Variants in SERPINB3 observed in about 807,000 individuals in gnomAD.
SERPINB3 encodes serpin B3.
Under a neutral mutation model 33.0 loss-of-function variants are expected in SERPINB3, and 33 were observed. That is an observed-to-expected ratio of 1.00 (90% CI 0.76 to 1.34). SERPINB3 has a LOEUF of 1.34. SERPINB3 is among the 40% of genes most tolerant of loss of function. The probability of loss-of-function intolerance (pLI) is 0.00; values close to 1 mark genes in which losing one functional copy is unlikely to be tolerated. For synonymous variants in SERPINB3, 200 were observed against 170.9 expected (o/e 1.17, Z -1.33); for missense variants, 518 against 461.5 (o/e 1.12, Z -1.12).
Position 63,661,190 on chromosome 18 carries a change from G to T in SERPINB3, c.27C>A (p.Thr9=). ...GTTGGAACAGGTCGAACATGAACTT[G>T]GTGTTGGCTTCACTGAGTGAATTCA... MNSLSEAN[T]KFMFDLFQQF... The change falls in exon 2 of 8, where the codon ACC becomes ACA. Residue 9 remains threonine, a synonymous_variant. Coordinates refer to ENST00000283752, the MANE Select transcript of SERPINB3 (RefSeq NM_006919.3). 1 of 1,613,442 alleles carries T rather than the reference G, an allele frequency of 6.2e-7. No individual in the cohort carries two copies. Among genetic ancestry groups the T allele is most frequent in the Non-Finnish European group, 8.5e-7 (1 of 1,179,558 alleles).
In SERPINB3 at chr18:63,656,044, A is replaced by G; in HGVS notation, c.786T>C (p.Thr262=). The G allele has an allele frequency of 6.2e-7, 1 of 1,613,598 alleles. No homozygotes were observed. The highest frequency in any genetic ancestry group is 8.5e-7 in the Non-Finnish European group (1 of 1,179,694). ...DGLQKLEEKL[T]AEKLMEWTSL... Reference sequence around the variant, plus strand: ...TTGTCCATTCCATCAATTTCTCAGCAGTGAGTTTCTCTTCAAGCTATACAA... The same window carrying G: ...TTGTCCATTCCATCAATTTCTCAGCGGTGAGTTTCTCTTCAAGCTATACAA... The change falls in exon 8 of 8, where the codon ACT becomes ACC. Residue 262 remains threonine, a synonymous_variant. Coordinates refer to ENST00000283752, the MANE Select transcript of SERPINB3 (RefSeq NM_006919.3).
Position 63,656,891 on chromosome 18 carries a change from G to A in SERPINB3, c.708C>T (p.Tyr236=). ...CAATCATGCTTAGATCTTTGCCTTT[G>A]TATGGTATTTCCAGGACCTTGGCCT... ...DVQAKVLEIP[Y]KGKDLSMIVL... is the part of the protein sequence containing the mutation. Residue 236 remains tyrosine, a synonymous_variant, in exon 7 of 8, where the codon TAC becomes TAT. Coordinates refer to ENST00000283752, the MANE Select transcript of SERPINB3 (RefSeq NM_006919.3). 6.2e-7 allele frequency: 1 copy of A among 1,613,514 alleles called. No individual in the cohort carries two copies. Among genetic ancestry groups the A allele is most frequent in the Non-Finnish European group, 8.5e-7 (1 of 1,179,590 alleles).
intron 5 of SERPINB3, 147 bp from the exon 6 acceptor site, chr18:63,657,559 C>G (rs1913530304): frequency 1.5e-6 from 1 of 653,376 alleles, no homozygotes; most frequent in South Asian, 3.1e-5. Flanking sequence ...AATTGTTAGA[C>G]TCACTGACCA....
At chr18:63,658,022 A>G (rs1410116378) in intron 5 of SERPINB3, among the ~76,000 whole-genome samples, 1 of 151,796 alleles carries the variant, frequency 6.6e-6, no homozygotes, top group Non-Finnish European at 1.5e-5. Flanking sequence ...TTGATGGGGA[A>G]GAGAGCTGTG....
At chr18:63,658,399 C>T in intron 5 of SERPINB3, 114 bp downstream of exon 5, 2 of 842,806 alleles carry the variant, frequency 2.4e-6, no homozygotes, top group South Asian at 1.8e-5. Context: ...CCCTCTTCTT[C>T]CCTCCCTGCA....
At chr18:63,656,700 T>A in intron 7 of SERPINB3, 131 bp downstream of exon 7, 2 of 1,072,326 alleles carry the variant, frequency 1.9e-6, no homozygotes, top group East Asian at 2.5e-5. Flanking sequence ...TGAAGGTGAG[T>A]CATCATTCCT....
chr18:63,655,528 G>C lies in SERPINB3; in HGVS notation c.*129C>G. 4 of 983,898 alleles carry C rather than the reference G, an allele frequency of 4.1e-6. No homozygotes were observed. Among genetic ancestry groups the C allele is most frequent in the Non-Finnish European group, 6.0e-6 (4 of 664,540 alleles). The allele number at this position is 983,898 out of a possible 1,614,324, so 60.9% of individuals were successfully genotyped here. A position where few individuals can be genotyped will look rare whatever the true frequency, so the allele number is the denominator to read the frequency against. ...CTATTTTAATCATTAAATTCTTGAT[G>C]ATGACGATCATCATCAAGATGAGAA... On this transcript the variant is annotated 3_prime_UTR_variant, in exon 8 of 8. Coordinates refer to ENST00000283752, the MANE Select transcript of SERPINB3 (RefSeq NM_006919.3).
rs1913465689 is a variant in SERPINB3, at chr18:63,655,423, A to G, written c.*234T>C. ...TTAAGTGATTCATCTTATTTTGGAC[A>G]TTTTTCCTCAAGGAGAATTTTTCTG... On this transcript the variant is annotated 3_prime_UTR_variant, in exon 8 of 8. Transcript: ENST00000283752. The G allele has an allele frequency of 2.1e-6, 1 of 471,554 alleles. No individual in the cohort carries two copies. The highest frequency in any genetic ancestry group is 1.9e-5 in the African/African-American group (1 of 51,710). 29.2% of individuals were successfully genotyped at this position (471,554 alleles called of 1,614,324 possible).
At chr18:63,658,418 T>G in intron 5 of SERPINB3, 95 bp downstream of exon 5, 2 of 1,052,636 alleles carry the variant, frequency 1.9e-6, no homozygotes, top group Non-Finnish European at 2.9e-6. Flanking sequence ...CAAAGCCATC[T>G]CAATTCCCAC....
At position 63,655,659 on chromosome 18, in the gene SERPINB3, A is replaced by G. The variant is rs763789330; in HGVS notation, c.1171T>C (p.Ter391GlnextTer103). 1.2e-5 allele frequency: 20 copies of G among 1,603,574 alleles called. No individual in the cohort carries two copies. In the South Asian group the frequency reaches 2.1e-4, roughly 17 times the overall value. ...ATGGAGTGACAGACTAATTGCATCT[A>G]CGGGGATGAGAATCTGCCATAGAAG... is the stretch of plus-strand genomic sequence containing the variant. ...ILFYGRFSSP[*>Q] Residue 391 changes from the stop codon to glutamine, a stop_lost, in exon 8 of 8, where the codon TAG (stop) becomes CAG (glutamine). Transcript: ENST00000283752.
chr18:63,658,564 G>A lies in SERPINB3; in HGVS notation c.418C>T (p.Pro140Ser). 1 of 1,613,116 alleles carries A rather than the reference G, an allele frequency of 6.2e-7. No individual in the cohort carries two copies. Among genetic ancestry groups the A allele is most frequent in the African/African-American group, 1.3e-5 (1 of 74,944 alleles). ...TTAATCTTCTTTCGACTTTCTTCTGGAGCATTTGCAAAATCAACAGATTCC... is the reference window on the plus strand; with the variant it reads ...TTAATCTTCTTTCGACTTTCTTCTGAAGCATTTGCAAAATCAACAGATTCC... ...SVESVDFANA[P>S]EESRKKINSW... is the part of the protein sequence containing the mutation. Residue 140 changes from proline to serine, a missense_variant, in exon 5 of 8, where the codon CCA (proline) becomes TCA (serine). Coordinates refer to ENST00000283752, the MANE Select transcript of SERPINB3 (RefSeq NM_006919.3).
intron 3 of SERPINB3, among the ~76,000 whole-genome samples, chr18:63,659,935 G>C (rs780877820): frequency 2.6e-5 from 4 of 152,166 alleles, no homozygotes; most frequent in Non-Finnish European, 4.4e-5. Context: ...GATTATGCCA[G>C]GAAGCCCTGT....
intron 3 of SERPINB3, among the ~76,000 whole-genome samples, chr18:63,660,058 G>T (rs2144496919): frequency 6.6e-6 from 1 of 152,232 alleles, no homozygotes; most frequent in East Asian, 1.9e-4. Context: ...CATGGCTAAG[G>T]ACTTTACATG....
chr18:63,657,472 T>G, intron 5 of SERPINB3, 60 bp from the exon 6 acceptor site: 1 of 1,416,046 alleles, frequency 7.1e-7, no homozygotes, highest in Non-Finnish European at 9.6e-7. Context: ...GTCTGGAAGA[T>G]GCTTTGCAAA....
intron 6 of SERPINB3, 131 bp from the exon 7 acceptor site, chr18:63,657,117 C>T (rs1346017376): frequency 1.1e-6 from 1 of 945,674 alleles, no homozygotes; most frequent in East Asian, 2.7e-5. Context: ...ACAATAGCTT[C>T]TTCAGGAATT....
At chr18:63,657,027 A>T (rs1913516616) in intron 6 of SERPINB3, 41 bp from the exon 7 acceptor site, 3 of 1,527,150 alleles carry the variant, frequency 2.0e-6, no homozygotes, top group South Asian at 2.5e-5. Flanking sequence ...CAAGTGAGAC[A>T]CAAGGCAAAA....
rs554883652 is a variant in SERPINB3 at position 63,656,930 on chromosome 18, C to A, written c.669G>T (p.Ser223=). 1 of 1,613,030 alleles carries A rather than the reference C, an allele frequency of 6.2e-7. No individual in the cohort carries two copies. Residue 223 remains serine, a synonymous_variant, in exon 7 of 8, where the codon TCG becomes TCT. Coordinates refer to ENST00000283752, the MANE Select transcript of SERPINB3 (RefSeq NM_006919.3). ...GGACCTTGGCCTGTACATCCTCCAGCGAGGCAAAATGAAAAGATGTGTATT... is the reference window on the plus strand; with the variant it reads ...GGACCTTGGCCTGTACATCCTCCAGAGAGGCAAAATGAAAAGATGTGTATT... ...MRQYTSFHFA[S]LEDVQAKVLE... is the part of the protein sequence containing the mutation.
At chr18:63,658,295 G>T (rs544963818) in intron 5 of SERPINB3, among the ~76,000 whole-genome samples, 17 of 152,196 alleles carry the variant, frequency 1.1e-4, no homozygotes, top group Admixed American at 9.8e-4. Context: ...GAATCCTCCG[G>T]CTATGTTTTC....
At position 63,660,789 on chromosome 18, in the gene SERPINB3, C is replaced by T. The variant is rs372227690; in HGVS notation, c.222+11G>A. 2.9e-5 allele frequency: 47 copies of T among 1,613,184 alleles called. No homozygotes were observed. Among genetic ancestry groups the T allele is most frequent in the Non-Finnish European group, 4.0e-5 (47 of 1,179,558 alleles). ...GGATCTAAAGCTGAACCATAGTGCT[C>T]TGTGACTCACATGATATGTTGCAGC... On this transcript the variant is annotated intron_variant, in intron 3 of 7. Transcript: ENST00000283752.
Sources: gnomAD v4.1 joint callset for allele counts (sites outside exome capture counted in the v4.1 genomes callset) on GRCh38, gnomAD v4.1.1 for gene constraint, MANE v1.5 for transcripts, NCBI Gene and HGNC (gene_info 2026-07-23, HGNC 2026-07-21) for gene names.